The following KY variants were observed in gnomAD, a reference collection of about 807,000 sequenced individuals.
KY encodes the protein kyphoscoliosis peptidase.
Under a neutral mutation model 76.1 loss-of-function variants are expected in KY, and 43 were observed. That is an observed-to-expected ratio of 0.57 (90% CI 0.44 to 0.73). KY has a LOEUF of 0.73. Ranked by LOEUF, KY falls within the 30% of genes least tolerant of loss-of-function variation. KY has a pLI of 0.00. For synonymous variants in KY, 277 were observed against 326.2 expected (o/e 0.85, Z 1.63); for missense variants, 722 against 828.9 (o/e 0.87, Z 1.58).
intron 3 of KY, among the ~76,000 whole-genome samples, chr3:134,630,643 A>G (rs1355917418): frequency 1.3e-5 from 2 of 152,226 alleles, no homozygotes; most frequent in African/African-American, 4.8e-5. Flanking sequence ...TTCAGGAAGT[A>G]AACTGTGGGG....
intron 10 of KY, chr3:134,607,240 T>G (rs904759496): frequency 2.0e-6 from 2 of 985,514 alleles, no homozygotes; most frequent in Non-Finnish European, 2.4e-6. Flanking sequence ...TTATTTTAGC[T>G]GCAGGAGCTG....
chr3:134,602,517 T>G lies in KY; in HGVS notation c.*1062A>C, dbSNP rs1426371580. Among the ~76,000 whole-genome samples the G allele has an allele frequency of 2.0e-5, 3 of 152,176 alleles. No homozygotes were observed. Among genetic ancestry groups the G allele is most frequent in the Admixed American group, 6.5e-5 (1 of 15,290 alleles). On this transcript the variant is annotated 3_prime_UTR_variant, in exon 11 of 11. Coordinates refer to ENST00000423778, the MANE Select transcript of KY (RefSeq NM_178554.6). ...GCTGGAATTCTTCCCAGCCCTGGCT[T>G]TGCTGGTAGAGACACTGGGGGCAGG...
chr3:134,640,637 A>G (rs1319376788), intron 3 of KY, among the ~76,000 whole-genome samples: 1 of 152,176 alleles, frequency 6.6e-6, no homozygotes, highest in Admixed American at 6.5e-5. Context: ...ACATGGAGTA[A>G]CGATTCCCTG....
chr3:134,622,222 A>G (rs1165981449), intron 6 of KY, among the ~76,000 whole-genome samples: 1 of 152,230 alleles, frequency 6.6e-6, no homozygotes, highest in African/African-American at 2.4e-5. Flanking sequence ...TACGCAACCA[A>G]AAAAACCGAA....
At chr3:134,647,685 A>C (rs1966598300) in intron 1 of KY, among the ~76,000 whole-genome samples, 188 bp from the exon 2 acceptor site, 1 of 152,144 alleles carries the variant, frequency 6.6e-6, no homozygotes, top group African/African-American at 2.4e-5. Context: ...ACATTTAAAA[A>C]CTGTTAAAAC....
At chr3:134,639,605 T>C (rs1057412855) in intron 3 of KY, among the ~76,000 whole-genome samples, 1 of 152,108 alleles carries the variant, frequency 6.6e-6, no homozygotes, top group African/African-American at 2.4e-5. Context: ...GGATAAGGGC[T>C]GATGACCTTG....
intron 7 of KY, 46 bp from the exon 8 acceptor site, chr3:134,619,311 C>T (rs1247274007): frequency 9.8e-6 from 14 of 1,427,246 alleles, no homozygotes; most frequent in Non-Finnish European, 1.2e-5. Flanking sequence ...GCCTGGGAGG[C>T]GAGAAGACTC....
intron 1 of KY, 90 bp from the exon 2 acceptor site, chr3:134,647,587 G>A: frequency 1.4e-6 from 1 of 723,368 alleles, no homozygotes; most frequent in Non-Finnish European, 2.4e-6. Flanking sequence ...TGGTAGAGCA[G>A]GTGGATCTTG....
intron 6 of KY, among the ~76,000 whole-genome samples, chr3:134,623,799 G>A (rs1963032597): frequency 6.6e-6 from 1 of 152,114 alleles, no homozygotes; most frequent in South Asian, 2.1e-4. Context: ...CACAGCTCAC[G>A]CTGTTGACCA....
rs1958991904 is a variant in KY, at chr3:134,602,066, G to T, written c.*1513C>A. Among the ~76,000 whole-genome samples the T allele has an allele frequency of 6.6e-6, 1 of 152,194 alleles. No homozygotes were observed. Among genetic ancestry groups the T allele is most frequent in the Admixed American group, 6.5e-5 (1 of 15,284 alleles). ...GAGGGTCCCAGCTGGCCCTGGCTGTGGTTGAGCCTGGAGGCCTGTGGAGGG... is the reference window on the plus strand; with the variant it reads ...GAGGGTCCCAGCTGGCCCTGGCTGTTGTTGAGCCTGGAGGCCTGTGGAGGG... On this transcript the variant is annotated 3_prime_UTR_variant, in exon 11 of 11. Transcript: ENST00000423778.
chr3:134,642,711 A>T (rs1965915935), intron 3 of KY, among the ~76,000 whole-genome samples: 1 of 152,204 alleles, frequency 6.6e-6, no homozygotes, highest in Admixed American at 6.5e-5. Flanking sequence ...ATTGGTCAGG[A>T]CAAGGGAGGG....
chr3:134,619,347 GC>G, intron 7 of KY, 82 bp from the exon 8 acceptor site: 1 of 1,000,320 alleles, frequency 1.0e-6, no homozygotes, highest in Non-Finnish European at 1.6e-6. Flanking sequence ...CTGTGCTCTG[GC>G]CATCACCAGC....
chr3:134,649,501 A>T (rs1966829322), intron 1 of KY, among the ~76,000 whole-genome samples: 1 of 152,192 alleles, frequency 6.6e-6, no homozygotes, highest in Non-Finnish European at 1.5e-5. Flanking sequence ...GAGCAGTCTC[A>T]TTTCTATCAA....
At position 134,608,719 on chromosome 3, in the gene KY, C is replaced by G. The variant is rs756787064; in HGVS notation, c.1020G>C (p.Met340Ile). The G allele has an allele frequency of 3.1e-6, 5 of 1,613,950 alleles. No individual in the cohort carries two copies. In the African/African-American group the frequency reaches 6.7e-5, roughly 22 times the overall value. Reference protein sequence around the residue: ...PQSLRQFENNMYHKSEFYNKG... With the variant: ...PQSLRQFENNIYHKSEFYNKG... Reference sequence around the variant, plus strand: ...TGTTGTAGAATTCACTCTTGTGATACATGTTGTTCTCAAACTGCCTCAGAG... The same window carrying G: ...TGTTGTAGAATTCACTCTTGTGATAGATGTTGTTCTCAAACTGCCTCAGAG... Residue 340 changes from methionine to isoleucine, a missense_variant, in exon 10 of 11, where the codon ATG (methionine) becomes ATC (isoleucine). By Grantham distance (10) the Met-to-Ile change is conservative (BLOSUM62 1). This residue lies in a region of KY where 552 missense variants were observed against 680.9 expected (regional missense o/e 0.81). Coordinates refer to ENST00000423778, the MANE Select transcript of KY (RefSeq NM_178554.6).
chr3:134,629,585 C>T (rs368653377), intron 4 of KY, 36 bp downstream of exon 4: 8 of 1,528,262 alleles, frequency 5.2e-6, no homozygotes, highest in Non-Finnish European at 7.1e-6. Context: ...ATCCTCTCTG[C>T]CAGCCCTCCA....
chr3:134,605,839 C>T (rs1258517964), intron 10 of KY, among the ~76,000 whole-genome samples: 2 of 152,180 alleles, frequency 1.3e-5, no homozygotes, highest in African/African-American at 2.4e-5. Flanking sequence ...CTTTGCGACC[C>T]CCACTCTTTG....
chr3:134,604,440 G>A lies in KY; in HGVS notation c.1125C>T (p.Cys375=), dbSNP rs759535501. Residue 375 remains cysteine (C), a synonymous_variant, in exon 11 of 11, where the codon TGC becomes TGT. Transcript: ENST00000423778. ...GCATGAACATGAACAGCGTCGGGGC[G>A]CAGCTCTCAATGGTGACCGTGGCCT... ...NGKATVTIES[C]APTLFMFMLN... The A allele has an allele frequency of 4.2e-5, 67 of 1,612,700 alleles. No homozygotes were observed. Among genetic ancestry groups the A allele is most frequent in the Non-Finnish European group, 5.4e-5 (64 of 1,179,338 alleles).
rs964446761 is a variant in KY, at chr3:134,602,177, G to A, written c.*1402C>T. On this transcript the variant is annotated 3_prime_UTR_variant, in exon 11 of 11. Coordinates refer to ENST00000423778, the MANE Select transcript of KY (RefSeq NM_178554.6). ...CAGGGGCCACGGAGCTGGAGAAGCC[G>A]GGAGTTCAGCAGGGAGCATGTCTGT... is the stretch of plus-strand genomic sequence containing the variant. Among the ~76,000 whole-genome samples, 1 of 152,140 alleles carries A rather than the reference G, an allele frequency of 6.6e-6. No individual in the cohort carries two copies. The highest frequency in any genetic ancestry group is 1.5e-5 in the Non-Finnish European group (1 of 68,006).
At chr3:134,637,098 C>T (rs550401816) in intron 3 of KY, among the ~76,000 whole-genome samples, 36 of 152,340 alleles carry the variant, frequency 2.4e-4, no homozygotes, top group African/African-American at 8.2e-4. Context: ...TACAATGTGG[C>T]CTCTGCAAAG....
Sources: allele counts gnomAD v4.1 joint callset (sites outside exome capture counted in the v4.1 genomes callset), GRCh38; gene constraint gnomAD v4.1.1; regional missense constraint gnomAD v4.1.1; transcripts MANE v1.5; gene names NCBI Gene and HGNC (gene_info 2026-07-23, HGNC 2026-07-21).